Variants in BEND5 observed in about 807,000 individuals in gnomAD.
The protein encoded by BEND5 is BEN domain containing 5.
Under a neutral mutation model 43.9 loss-of-function variants are expected in BEND5, and 22 were observed. The ratio of observed to expected loss-of-function variants is 0.50; its 90% CI spans 0.36 to 0.72. The LOEUF (loss-of-function observed/expected upper bound fraction) is 0.72, where lower values mean the gene tolerates loss of function less well. BEND5 is among the 30% of genes least tolerant of loss of function. BEND5 has a pLI of 0.00. For synonymous variants in BEND5, 228 were observed against 225.9 expected (o/e 1.01, Z -0.08); for missense variants, 428 against 550.6 (o/e 0.78, Z 2.23).
intron 3 of BEND5, 88 bp from the exon 4 acceptor site, chr1:48,742,859 G>T: frequency 7.5e-7 from 1 of 1,325,756 alleles, no homozygotes; most frequent in Non-Finnish European, 9.9e-7. Flanking sequence ...AGCACACCAT[G>T]GCACAAAAAA....
chr1:48,739,126 T>G (rs1649517904), intron 4 of BEND5, among the ~76,000 whole-genome samples: 1 of 152,204 alleles, frequency 6.6e-6, no homozygotes, highest in Admixed American at 6.5e-5. Flanking sequence ...TTCCTCTGTA[T>G]CTGCCTGGCT....
chr1:48,728,547 G>C (rs1467297856), intron 5 of BEND5, among the ~76,000 whole-genome samples: 4 of 148,506 alleles, frequency 2.7e-5, no homozygotes, highest in African/African-American at 5.0e-5. Context: ...TACATTTGTA[G>C]GTCATTCATT....
chr1:48,769,183 G>C (rs1215961150), intron 1 of BEND5, among the ~76,000 whole-genome samples: 1 of 152,176 alleles, frequency 6.6e-6, no homozygotes, highest in Non-Finnish European at 1.5e-5. Flanking sequence ...GTGTAATGTA[G>C]GGTAACAGTA....
chr1:48,742,634 C>A lies in BEND5; in HGVS notation c.883G>T (p.Asp295Tyr). The A allele has an allele frequency of 6.3e-7, 1 of 1,588,990 alleles. No homozygotes were observed. Among genetic ancestry groups the A allele is most frequent in the South Asian group, 1.1e-5 (1 of 86,984 alleles). The change falls in exon 4 of 6, where the codon GAC becomes TAC. Residue 295 changes from aspartate (D) to tyrosine (Y), a missense_variant. Coordinates refer to ENST00000371833, the MANE Select transcript of BEND5 (RefSeq NM_024603.4). ...GCTTAAAACACTACCTTGCCATTGT[C>A]TAGGATATACTTGTCCATGACAGGC... ...PAPVMDKYIL[D>Y]NGKVHLGSGI...
At position 48,728,049 on chromosome 1, in the gene BEND5, C is replaced by A; in HGVS notation, c.1109-6G>T. On this transcript the variant is annotated splice_region_variant and splice_polypyrimidine_tract_variant and intron_variant, in intron 5 of 5. Coordinates refer to ENST00000371833, the MANE Select transcript of BEND5 (RefSeq NM_024603.4). ...TATTCTGTCATACAAACACTCTAGACGGGGAGAAGAAACAAGGCCAAGGAT... is the reference window on the plus strand; with the variant it reads ...TATTCTGTCATACAAACACTCTAGAAGGGGAGAAGAAACAAGGCCAAGGAT... The A allele has an allele frequency of 1.3e-6, 2 of 1,577,948 alleles. No individual in the cohort carries two copies. The highest frequency in any genetic ancestry group is 1.7e-6 in the Non-Finnish European group (2 of 1,158,926).
chr1:48,770,664 G>A (rs1224113823), intron 1 of BEND5, among the ~76,000 whole-genome samples: 2 of 152,060 alleles, frequency 1.3e-5, no homozygotes, highest in African/African-American at 4.8e-5. Flanking sequence ...GATGTTCCAT[G>A]GGCCCTTAAG....
chr1:48,742,754 C>G lies in BEND5; in HGVS notation c.763G>C (p.Glu255Gln). 6.2e-7 allele frequency: 1 copy of G among 1,602,014 alleles called. No homozygotes were observed. The highest frequency in any genetic ancestry group is 8.5e-7 in the Non-Finnish European group (1 of 1,173,188). ...RLGSGPAIDL[E>Q]KVKSECLEPE... ...TCGAGACATTCTGACTTTACTTTTT[C>G]CAGATCAATGGCGGGACCTAGGCAG... Residue 255 changes from glutamate (E) to glutamine (Q), a missense_variant, in exon 4 of 6, where the codon GAA becomes CAA. Around this residue, in one of 4 missense-constraint regions of BEND5, gnomAD observed 243 missense variants for 286.4 expected, o/e 0.85. Transcript: ENST00000371833.
chr1:48,764,849 A>T (rs1237311218), intron 1 of BEND5, among the ~76,000 whole-genome samples: 2 of 152,216 alleles, frequency 1.3e-5, no homozygotes, highest in Non-Finnish European at 2.9e-5. Flanking sequence ...GCAGCGGATG[A>T]CAGAGCTCAG....
At position 48,730,848 on chromosome 1, in the gene BEND5, G is replaced by T. The variant is rs371476950; in HGVS notation, c.1109-2805C>A. ...AAATTAACCGGAACGCAATGCTGAG[G>T]CTCATTTAGAAAACTCAGACACTCC... On this transcript the variant is annotated intron_variant, in intron 5 of 5. Transcript: ENST00000371833. 2.5e-4 allele frequency among the ~76,000 whole-genome samples: 38 copies of T among 152,248 alleles called. 2 individuals are homozygous for T. The East Asian group carries it at 3.9e-3, about 15-fold the overall frequency.
rs1644240943 is a variant in BEND5, at chr1:48,761,236, G to A, written c.360+101C>T. ...AAAAATCATAGCCTGTGATACCAGGGGACATTTACATGGGGAGAGGAAGCC... is the reference window on the plus strand; with the variant it reads ...AAAAATCATAGCCTGTGATACCAGGAGACATTTACATGGGGAGAGGAAGCC... On this transcript the variant is annotated intron_variant, in intron 2 of 5. Transcript: ENST00000371833. The A allele has an allele frequency of 1.6e-5, 20 of 1,229,212 alleles. No homozygotes were observed. In the South Asian group the frequency reaches 3.1e-4, roughly 19 times the overall value. The allele number at this position is 1,229,212 out of a possible 1,614,324, so 76.1% of individuals were successfully genotyped here. A position where few individuals can be genotyped will look rare whatever the true frequency, so the allele number is the denominator to read the frequency against.
intron 3 of BEND5, among the ~76,000 whole-genome samples, chr1:48,747,301 G>T (rs944977574): frequency 7.2e-5 from 11 of 152,150 alleles, no homozygotes; most frequent in African/African-American, 2.4e-4. Flanking sequence ...CACACTTGAG[G>T]TTTATTTTGG....
At chr1:48,733,528 A>C (rs796118685) in intron 5 of BEND5, among the ~76,000 whole-genome samples, 6 of 152,334 alleles carry the variant, frequency 3.9e-5, no homozygotes, top group African/African-American at 1.4e-4. Context: ...GGCTTGGAAA[A>C]TGAGGTAGTA....
At chr1:48,768,183 G>GATA (rs72515133) in intron 1 of BEND5, among the ~76,000 whole-genome samples, 3 of 151,644 alleles carry the variant, frequency 2.0e-5, no homozygotes. Context: ...CATGTAACAT[G>GATA]AGTATGTCAA....
chr1:48,743,960 A>C (rs1438430274), intron 3 of BEND5, among the ~76,000 whole-genome samples: 2 of 152,218 alleles, frequency 1.3e-5, no homozygotes, highest in African/African-American at 2.4e-5. Context: ...AAATTTAAGA[A>C]TGAAACTTGC....
intron 1 of BEND5, among the ~76,000 whole-genome samples, chr1:48,772,196 A>T (rs1418817845): frequency 6.6e-6 from 1 of 152,234 alleles, no homozygotes; most frequent in African/African-American, 2.4e-5. Context: ...TGACTAATAA[A>T]AACAAGACAT....
At chr1:48,731,706 T>C (rs1275161414) in intron 5 of BEND5, among the ~76,000 whole-genome samples, 1 of 152,146 alleles carries the variant, frequency 6.6e-6, no homozygotes, top group Non-Finnish European at 1.5e-5. Flanking sequence ...GAACAAGGCT[T>C]GTTCACGAAA....
At chr1:48,756,883 T>C (rs1036295870) in intron 3 of BEND5, among the ~76,000 whole-genome samples, 1 of 152,210 alleles carries the variant, frequency 6.6e-6, no homozygotes, top group Admixed American at 6.5e-5. Flanking sequence ...GTAATGATGA[T>C]GGTGACTCAG....
chr1:48,737,289 G>C (rs555313829), intron 4 of BEND5, among the ~76,000 whole-genome samples: 1 of 151,078 alleles, frequency 6.6e-6, no homozygotes, highest in East Asian at 1.9e-4. Flanking sequence ...GTCTCAAAAA[G>C]AAAAAAGAAA....
In BEND5 at chr1:48,734,763, C is replaced by T. The variant is rs568565919; in HGVS notation, c.1108+1476G>A. 2.0e-5 allele frequency among the ~76,000 whole-genome samples: 3 copies of T among 152,358 alleles called. No homozygotes were observed. The South Asian group carries it at 6.2e-4, about 32-fold the overall frequency. ...TCTCCAACTACCCCAGTGAATGCAG[C>T]CCTCTCTGTCCTACCACATCATATG... On this transcript the variant is annotated intron_variant, in intron 5 of 5. Coordinates refer to ENST00000371833, the MANE Select transcript of BEND5 (RefSeq NM_024603.4).
Sources: gnomAD v4.1 joint callset for allele counts (sites outside exome capture counted in the v4.1 genomes callset) on GRCh38, gnomAD v4.1.1 for gene constraint, gnomAD v4.1.1 regional missense constraint, MANE v1.5 for transcripts, NCBI Gene and HGNC (gene_info 2026-07-23, HGNC 2026-07-21) for gene names.